Variants in TRMT11 observed in about 807,000 individuals in gnomAD.
TRMT11 encodes the protein tRNA methyltransferase 11.
A neutral mutation model predicts 62.8 loss-of-function variants in TRMT11; 53 were observed. The observed-to-expected ratio is 0.84, with a 90% confidence interval of 0.68 to 1.06. TRMT11 has a LOEUF of 1.06. TRMT11 is among the 50% of genes least tolerant of loss of function. TRMT11 has a pLI of 0.00. For missense variants in TRMT11, 556 were observed against 553.4 expected (o/e 1.00, Z -0.05); for synonymous variants, 188 against 190.3 (o/e 0.99, Z 0.10).
chr6:126,194,901 G>A (rs1778647010), intron 1 of TRMT11, among the ~76,000 whole-genome samples: 1 of 152,046 alleles, frequency 6.6e-6, no homozygotes, highest in African/African-American at 2.4e-5. Context: ...GATTACTTGA[G>A]CCCAAGAGTT....
chr6:126,017,356 C>T (rs963124878), intron 11 of TRMT11, among the ~76,000 whole-genome samples: 13 of 152,070 alleles, frequency 8.5e-5, no homozygotes, highest in African/African-American at 2.7e-4. Flanking sequence ...CAAAATACTG[C>T]GTAAAAGCTT....
chr6:126,115,218 A>T (rs1180730494), intron 19 of TRMT11, among the ~76,000 whole-genome samples: 1 of 152,108 alleles, frequency 6.6e-6, no homozygotes. Context: ...CTTCACCTCC[A>T]AATCTCTTTC....
At chr6:126,182,134 A>C (rs776468761) in intron 1 of TRMT11, among the ~76,000 whole-genome samples, 1 of 152,350 alleles carries the variant, frequency 6.6e-6, no homozygotes, top group South Asian at 2.1e-4. Context: ...ACGTATTAAC[A>C]TAAACTCTAG....
At chr6:126,054,273 G>T (rs1776306734) in intron 17 of TRMT11, among the ~76,000 whole-genome samples, 1 of 152,180 alleles carries the variant, frequency 6.6e-6, no homozygotes, top group Non-Finnish European at 1.5e-5. Context: ...TTCTGCCTTG[G>T]TTCTAGGTCT....
intron 21 of TRMT11, among the ~76,000 whole-genome samples, chr6:126,121,216 A>G (rs1307829561): frequency 6.6e-6 from 1 of 152,102 alleles, no homozygotes; most frequent in African/African-American, 2.4e-5. Flanking sequence ...TCTTAGCAGA[A>G]CTGAATTTGT....
intron 1 of TRMT11, 111 bp downstream of exon 1, chr6:125,986,733 G>C: frequency 9.5e-7 from 1 of 1,047,796 alleles, no homozygotes; most frequent in Non-Finnish European, 1.4e-6. Flanking sequence ...GGGGGTCTTC[G>C]CTGGTCTGCG....
At position 126,142,017 on chromosome 6, in the gene TRMT11, C is replaced by T. The variant is rs1405199044; in HGVS notation, c.*1823+26162C>T. 2.6e-5 allele frequency among the ~76,000 whole-genome samples: 4 copies of T among 152,122 alleles called. No homozygotes were observed. The East Asian group carries it at 7.7e-4, about 29-fold the overall frequency. On this transcript the variant is annotated intron_variant and NMD_transcript_variant, in intron 21 of 22. Coordinates refer to the TRMT11 transcript ENST00000648977. ...CAAATCGAAGACACAGATTAAGTGG[C>T]TAGAGGTTTGTGTCCTTTTTATACT...
chr6:126,084,300 G>A (rs1321843682), intron 17 of TRMT11, among the ~76,000 whole-genome samples: 3 of 152,050 alleles, frequency 2.0e-5, no homozygotes, highest in Non-Finnish European at 4.4e-5. Context: ...AGTGGAAGGT[G>A]GTATCTCATG....
chr6:126,147,250 C>T (rs150072545), intron 21 of TRMT11, among the ~76,000 whole-genome samples: 111 of 152,282 alleles, frequency 7.3e-4, no homozygotes, highest in African/African-American at 2.5e-3. Context: ...TTTTCGTTCT[C>T]TTTCCCCCCT....
the TRMT11 span, chr6:126,258,200 T>G: frequency 6.0e-6 from 4 of 671,424 alleles, no homozygotes; most frequent in Non-Finnish European, 1.1e-5. Context: ...GATGGTGACC[T>G]TCCCTTGGCG....
chr6:126,269,388 TACAC>T, the TRMT11 span, among the ~76,000 whole-genome samples: 53 of 148,094 alleles, frequency 3.6e-4, no homozygotes, highest in African/African-American at 1.3e-3. Flanking sequence ...ACATACCAAA[TACAC>T]ACAGAAATTT....
intron 12 of TRMT11, among the ~76,000 whole-genome samples, chr6:126,027,600 A>G (rs1394653100): frequency 1.3e-5 from 2 of 152,168 alleles, no homozygotes; most frequent in Admixed American, 1.3e-4. Flanking sequence ...TTATATGGCT[A>G]TTAATTCAGA....
chr6:126,126,661 G>T (rs923992024), intron 21 of TRMT11, among the ~76,000 whole-genome samples: 2 of 152,082 alleles, frequency 1.3e-5, no homozygotes, highest in African/African-American at 4.8e-5. Flanking sequence ...ATCCCTTAAA[G>T]ATCCCAGCCT....
At chr6:126,200,501 A>G (rs1364220924) in intron 3 of TRMT11, among the ~76,000 whole-genome samples, 1 of 152,218 alleles carries the variant, frequency 6.6e-6, no homozygotes, top group Non-Finnish European at 1.5e-5. Context: ...AACGTGTGAT[A>G]AAATACTAGT....
At chr6:126,172,464 A>T (rs549660610), upstream of TRMT11, among the ~76,000 whole-genome samples, 138 of 152,346 alleles carry the variant, frequency 9.1e-4, 1 homozygote, top group Non-Finnish European at 1.7e-3. Flanking sequence ...ATCTGAAAAG[A>T]GTCCCCGGTA....
chr6:126,089,604 C>T (rs990800602), intron 17 of TRMT11, among the ~76,000 whole-genome samples: 2 of 152,124 alleles, frequency 1.3e-5, no homozygotes, highest in Non-Finnish European at 2.9e-5. Flanking sequence ...CTGCACTGTG[C>T]TCCCAGTAAT....
intron 21 of TRMT11, among the ~76,000 whole-genome samples, chr6:126,131,081 T>G (rs945268051): frequency 6.6e-6 from 1 of 152,080 alleles, no homozygotes; most frequent in Non-Finnish European, 1.5e-5. Context: ...TTGGCAGACA[T>G]AGACAAACAC....
At chr6:126,093,631 A>ATATATATATATTTTTTTTTTTTT (rs1554236842) in intron 17 of TRMT11, among the ~76,000 whole-genome samples, 1 of 98,016 alleles carries the variant, frequency 1.0e-5, no homozygotes, top group African/African-American at 4.4e-5. Context: ...ATATATATAT[A>ATATATATATATTTTTTTTTTTTT]TTTTCCCCCA....
the TRMT11 span, among the ~76,000 whole-genome samples, chr6:126,258,835 A>C: frequency 6.6e-6 from 1 of 152,314 alleles, no homozygotes; most frequent in African/African-American, 2.4e-5. Context: ...TTTAAAAATT[A>C]AAATTTTAAG....
Sources: allele counts gnomAD v4.1 joint callset (sites outside exome capture counted in the v4.1 genomes callset), GRCh38; gene constraint gnomAD v4.1.1; transcripts MANE v1.5; gene names NCBI Gene and HGNC (gene_info 2026-07-23, HGNC 2026-07-21).